The following RAB38 variants were observed in gnomAD, a reference collection of about 807,000 sequenced individuals.
The protein encoded by RAB38 is RAB38, member RAS oncogene family.
RAB38 carries 15 observed loss-of-function variants against 18.4 expected under a neutral mutation model. The observed-to-expected ratio is 0.82, with a 90% confidence interval of 0.55 to 1.26. The LOEUF (loss-of-function observed/expected upper bound fraction) is 1.26. RAB38 is among the 50% of genes most tolerant of loss of function. The pLI, the probability that RAB38 is intolerant of heterozygous loss-of-function variation, is 0.00. For synonymous variants in RAB38, 101 were observed against 104.4 expected, an observed-to-expected ratio of 0.97 and a Z score of 0.20; for missense variants, 294 against 267.4, an observed-to-expected ratio of 1.10 and a Z score of -0.69.
chr11:87,828,610 T>C, the RAB38 span, among the ~76,000 whole-genome samples: 1 of 152,174 alleles, frequency 6.6e-6, no homozygotes, highest in African/African-American at 2.4e-5. Flanking sequence ...TTCTTCTTGC[T>C]CAGAGGGCAA....
chr11:87,966,902 T>C, the RAB38 span, among the ~76,000 whole-genome samples: 1 of 152,282 alleles, frequency 6.6e-6, no homozygotes, highest in Non-Finnish European at 1.5e-5. Flanking sequence ...AAGAGAGGCT[T>C]ATAAGAGCTT....
the RAB38 span, among the ~76,000 whole-genome samples, chr11:88,092,157 G>A: frequency 6.6e-6 from 1 of 151,494 alleles, no homozygotes; most frequent in African/African-American, 2.4e-5. Context: ...ACTTTATTTT[G>A]TCTGGACTAG....
chr11:88,113,707 A>G lies in RAB38; in HGVS notation c.*281T>C, dbSNP rs559176607. The G allele has an allele frequency of 3.3e-5, 11 of 332,166 alleles. No homozygotes were observed. The highest frequency in any genetic ancestry group is 2.3e-4 in the African/African-American group (11 of 48,630). The allele number at this position is 332,166 out of a possible 1,614,324, so 20.6% of individuals were successfully genotyped here. On this transcript the variant is annotated 3_prime_UTR_variant, in exon 3 of 3. Transcript: ENST00000243662. Reference sequence around the variant, plus strand: ...GGCCTTTGCTGATTAAAAGAAGCAAATAACAGTGCCGACTGTGGCCCTGCA... The same window carrying G: ...GGCCTTTGCTGATTAAAAGAAGCAAGTAACAGTGCCGACTGTGGCCCTGCA...
the RAB38 span, among the ~76,000 whole-genome samples, chr11:87,923,332 C>CT: frequency 2.6e-5 from 4 of 151,806 alleles, no homozygotes; most frequent in African/African-American, 7.2e-5. Context: ...AGGGATTGCC[C>CT]TTTTTTTCCT....
the RAB38 span, among the ~76,000 whole-genome samples, chr11:87,958,211 T>C: frequency 6.6e-6 from 1 of 152,214 alleles, no homozygotes; most frequent in Admixed American, 6.5e-5. Context: ...TAGATGATTT[T>C]GCCCGGCTGT....
chr11:87,936,242 A>G, the RAB38 span, among the ~76,000 whole-genome samples: 1 of 151,848 alleles, frequency 6.6e-6, no homozygotes, highest in Non-Finnish European at 1.5e-5. Flanking sequence ...ATTTTTTCTT[A>G]TGTTTTTATT....
chr11:87,966,802 T>A, the RAB38 span, among the ~76,000 whole-genome samples: 1 of 152,188 alleles, frequency 6.6e-6, no homozygotes, highest in Non-Finnish European at 1.5e-5. Flanking sequence ...TTCTCTAGGG[T>A]CTGGGAATTG....
chr11:88,159,394 A>G (rs1943162697), intron 1 of RAB38, among the ~76,000 whole-genome samples: 1 of 150,604 alleles, frequency 6.6e-6, no homozygotes, highest in South Asian at 2.1e-4. Flanking sequence ...ATATTGTTAA[A>G]ATGGCCACAC....
At chr11:87,818,560 A>G in the RAB38 span, among the ~76,000 whole-genome samples, 2 of 152,190 alleles carry the variant, frequency 1.3e-5, no homozygotes, top group Non-Finnish European at 2.9e-5. Context: ...GGCTTGACAC[A>G]TGATCTATGC....
At chr11:88,010,400 T>G in the RAB38 span, among the ~76,000 whole-genome samples, 25 of 152,328 alleles carry the variant, frequency 1.6e-4, no homozygotes, top group African/African-American at 6.0e-4. Context: ...GGTTGCCAGA[T>G]GTATGAATAA....
At chr11:88,104,580 T>A in the RAB38 span, among the ~76,000 whole-genome samples, 1 of 152,206 alleles carries the variant, frequency 6.6e-6, no homozygotes, top group Admixed American at 6.5e-5. Context: ...ATCTCTCAAA[T>A]CAGGTTAATG....
chr11:87,881,436 A>G, the RAB38 span, among the ~76,000 whole-genome samples: 2 of 151,862 alleles, frequency 1.3e-5, no homozygotes, highest in African/African-American at 4.8e-5. Flanking sequence ...TATTAGGTTC[A>G]CATGATTTTA....
chr11:88,096,094 T>TCCTCTTCTC, the RAB38 span, among the ~76,000 whole-genome samples: 1 of 137,654 alleles, frequency 7.3e-6, no homozygotes, highest in Non-Finnish European at 1.5e-5. Flanking sequence ...ATAATTCCAC[T>TCCTCTTCTC]CCTCTTCTCA....
At chr11:88,027,010 T>C in the RAB38 span, among the ~76,000 whole-genome samples, 13 of 152,206 alleles carry the variant, frequency 8.5e-5, no homozygotes, top group Non-Finnish European at 1.8e-4. Context: ...TGACCTCACA[T>C]TTTTTAAATT....
chr11:88,022,897 G>A, the RAB38 span, among the ~76,000 whole-genome samples: 3,253 of 152,120 alleles, frequency 0.021, 100 homozygotes, highest in African/African-American at 0.073. Flanking sequence ...TATTTTGGGG[G>A]GAACAGAAAA....
chr11:88,076,089 A>C, the RAB38 span, among the ~76,000 whole-genome samples: 1 of 151,720 alleles, frequency 6.6e-6, no homozygotes, highest in Non-Finnish European at 1.5e-5. Context: ...CTGACTAAAA[A>C]AGAGAGAAAA....
chr11:87,813,635 C>T, the RAB38 span, among the ~76,000 whole-genome samples: 6 of 152,168 alleles, frequency 3.9e-5, no homozygotes, highest in East Asian at 1.2e-3. Context: ...TATCTAACCC[C>T]AGTTTGGGTC....
chr11:87,818,822 C>A, the RAB38 span, among the ~76,000 whole-genome samples: 79 of 152,222 alleles, frequency 5.2e-4, 1 homozygote, highest in Non-Finnish European at 3.8e-4. Context: ...TATGGGTGGT[C>A]TACAAATTGG....
At chr11:87,968,349 G>C in the RAB38 span, among the ~76,000 whole-genome samples, 1 of 152,064 alleles carries the variant, frequency 6.6e-6, no homozygotes, top group Admixed American at 6.6e-5. Flanking sequence ...AGGTGTGGCT[G>C]GGCACATAGC....
Sources: allele counts gnomAD v4.1 joint callset (sites outside exome capture counted in the v4.1 genomes callset), GRCh38; gene constraint gnomAD v4.1.1; transcripts MANE v1.5; gene names NCBI Gene and HGNC (gene_info 2026-07-23, HGNC 2026-07-21).